The following KLK5 variants were observed in gnomAD, a reference collection of about 807,000 sequenced individuals.
The protein encoded by KLK5 is kallikrein related peptidase 5.
A neutral mutation model predicts 24.0 loss-of-function variants in KLK5; 18 were observed. The observed-to-expected ratio is 0.75, with a 90% confidence interval of 0.52 to 1.11. KLK5 has a LOEUF of 1.11. KLK5 is among the 50% of genes most tolerant of loss of function. The probability of loss-of-function intolerance (pLI) is 0.00; values close to 1 mark genes in which losing one functional copy is unlikely to be tolerated. For synonymous variants in KLK5, 140 were observed against 154.0 expected (o/e 0.91, Z 0.67); for missense variants, 374 against 379.2 (o/e 0.99, Z 0.11).
intron 5 of KLK5, among the ~76,000 whole-genome samples, chr19:50,946,904 C>A (rs142655289): frequency 1.2e-4 from 18 of 151,994 alleles, no homozygotes; most frequent in Admixed American, 1.3e-4. Flanking sequence ...CGCAACCCAC[C>A]CCCCCACACC....
At chr19:50,952,537 G>C (rs1458457339) in intron 2 of KLK5, 48 bp downstream of exon 2, 2 of 1,441,334 alleles carry the variant, frequency 1.4e-6, no homozygotes, top group Non-Finnish European at 1.9e-6. Context: ...GTGCCGCAGA[G>C]ACAGTCCTCC....
Position 50,950,314 on chromosome 19 carries a change from T to G in KLK5, c.74-198A>C. Reference sequence around the variant, plus strand: ...GGACAGAGCCCAGGCTCAGGTAGGGTTACTGGACTCTAACTGGACCTCACA... The same window carrying G: ...GGACAGAGCCCAGGCTCAGGTAGGGGTACTGGACTCTAACTGGACCTCACA... On this transcript the variant is annotated intron_variant, in intron 2 of 5. Transcript: ENST00000336334. 4 of 604,780 alleles carry G rather than the reference T, an allele frequency of 6.6e-6. No homozygotes were observed. The South Asian group carries it at 7.9e-5, about 12-fold the overall frequency. 37.5% of individuals were successfully genotyped at this position (604,780 alleles called of 1,614,324 possible). A position where few individuals can be genotyped will look rare whatever the true frequency, so the allele number is the denominator to read the frequency against.
At chr19:50,948,834 T>A (rs1281279821) in intron 4 of KLK5, 25 bp downstream of exon 4, 2 of 1,613,798 alleles carry the variant, frequency 1.2e-6, no homozygotes, top group Admixed American at 3.3e-5. Flanking sequence ...GATGGGTCGG[T>A]ATCAAGAAGA....
rs753631413 is a variant in KLK5 at position 50,946,278 on chromosome 19, TAAC to T, written c.726+2359_726+2361del. On this transcript the variant is annotated intron_variant, in intron 5 of 5. Transcript: ENST00000336334. ...CTTGTTTGTAAAATAGGGCCAATAA[TAAC>T]AGGTAAATGAGTTAATGAGCTGAGG... Among the ~76,000 whole-genome samples, 43 of 152,388 alleles carry T rather than the reference TAAC, an allele frequency of 2.8e-4. No individual in the cohort carries two copies. In the Middle Eastern group the frequency reaches 0.01, roughly 36 times the overall value.
rs2232534 is a variant in KLK5 at position 50,948,937 on chromosome 19, T to C, written c.514A>G (p.Ile172Val). 5.1e-3 allele frequency: 8,269 copies of C among 1,614,040 alleles called. 29 individuals are homozygous for C. The highest frequency in any genetic ancestry group is 6.6e-3 in the Non-Finnish European group (7,787 of 1,179,994). The change falls in exon 4 of 6, where the codon ATC (isoleucine) becomes GTC (valine). Residue 172 changes from isoleucine (I) to valine (V), a missense_variant. Ile to Val is a conservative substitution (Grantham distance 29, BLOSUM62 3). Coordinates refer to ENST00000336334, the MANE Select transcript of KLK5 (RefSeq NM_012427.5). Reference protein sequence around the residue: ...RIRPTKDVRPINVSSHCPSAG... With the variant: ...RIRPTKDVRPVNVSSHCPSAG... ...GAGGGACAATGAGAGGAGACGTTGA[T>C]GGGTCTGACATCTTTAGTGGGACGA...
At chr19:50,951,541 G>A (rs567292390) in intron 2 of KLK5, among the ~76,000 whole-genome samples, 86 of 152,220 alleles carry the variant, frequency 5.6e-4, no homozygotes, top group African/African-American at 2.0e-3. Context: ...CAAAGGGCTG[G>A]GATTACAGGC....
chr19:50,949,731 C>CCCCCCCA, intron 3 of KLK5, 124 bp downstream of exon 3: 1 of 553,996 alleles, frequency 1.8e-6, no homozygotes. Context: ...CCTTCCATGA[C>CCCCCCCA]ACCCCCAACC....
At chr19:50,946,631 C>T (rs1600070515) in intron 5 of KLK5, among the ~76,000 whole-genome samples, 1 of 151,880 alleles carries the variant, frequency 6.6e-6, no homozygotes, top group Non-Finnish European at 1.5e-5. Context: ...GCAACCTCGG[C>T]TCACTGCAAG....
rs146723372 is a variant in KLK5 at position 50,943,710 on chromosome 19, C to T, written c.803G>A (p.Arg268Gln). The T allele has an allele frequency of 4.3e-5, 69 of 1,613,854 alleles. No homozygotes were observed. The African/African-American group carries it at 7.6e-4, about 18-fold the overall frequency. The change falls in exon 6 of 6, where the codon CGG becomes CAG. Residue 268 changes from arginine to glutamine, a missense_variant. Transcript: ENST00000336334. ...CGTGTAGACACCCGGTCTGTTGGGC[C>T]GGGCACAAGGGTAATCTCCCCAGGA... ...LVSWGDYPCA[R>Q]PNRPGVYTNL...
intron 5 of KLK5, among the ~76,000 whole-genome samples, chr19:50,945,694 G>C (rs1279149942): frequency 1.3e-5 from 2 of 151,812 alleles, no homozygotes; most frequent in Admixed American, 1.3e-4. Context: ...GGGAGGCTGA[G>C]GTGGAAGAAA....
chr19:50,951,683 C>T (rs1166627945), intron 2 of KLK5, among the ~76,000 whole-genome samples: 7 of 152,326 alleles, frequency 4.6e-5, no homozygotes, highest in Non-Finnish European at 8.8e-5. Flanking sequence ...TCTGCAGACA[C>T]GCCCATGTTG....
chr19:50,950,887 C>G (rs1344176849), intron 2 of KLK5, among the ~76,000 whole-genome samples: 2 of 69,672 alleles, frequency 2.9e-5, no homozygotes, highest in Non-Finnish European at 5.5e-5. Context: ...GCAAGACTGT[C>G]TCCAAAAAAA....
rs1015516835 is a variant in KLK5 at position 50,952,517 on chromosome 19, A to G, written c.73+68T>C. On this transcript the variant is annotated intron_variant, in intron 2 of 5. Transcript: ENST00000336334. Reference sequence around the variant, plus strand: ...AGGCTCACACAGTTCCCCAGGGGACAGGCGCTCTAGTGCCGCAGAGACAGT... The same window carrying G: ...AGGCTCACACAGTTCCCCAGGGGACGGGCGCTCTAGTGCCGCAGAGACAGT... The G allele has an allele frequency of 4.2e-6, 5 of 1,190,628 alleles. No homozygotes were observed. In the African/African-American group the frequency reaches 6.2e-5, roughly 15 times the overall value. The allele number at this position is 1,190,628 out of a possible 1,614,324, so 73.8% of individuals were successfully genotyped here.
intron 3 of KLK5, among the ~76,000 whole-genome samples, 186 bp from the exon 4 acceptor site, chr19:50,949,301 C>T (rs752276122): frequency 1.5e-4 from 23 of 149,534 alleles, no homozygotes; most frequent in Non-Finnish European, 2.2e-4. Context: ...CCAAACCCAT[C>T]CCATTCCCAA....
At chr19:50,945,005 T>C (rs1000647418) in intron 5 of KLK5, among the ~76,000 whole-genome samples, 30 of 151,614 alleles carry the variant, frequency 2.0e-4, no homozygotes, top group Admixed American at 8.6e-4. Flanking sequence ...TCTTTCTCTT[T>C]CTTCCTTTCT....
chr19:50,951,821 G>A (rs1460429893), intron 2 of KLK5, among the ~76,000 whole-genome samples: 2 of 152,128 alleles, frequency 1.3e-5, no homozygotes, highest in Admixed American at 6.5e-5. Flanking sequence ...GTGCACAGAT[G>A]TTCAGACTGC....
chr19:50,951,342 G>A (rs868211557), intron 2 of KLK5, among the ~76,000 whole-genome samples: 1 of 151,418 alleles, frequency 6.6e-6, no homozygotes, highest in Non-Finnish European at 1.5e-5. Context: ...GCGCGATCTC[G>A]GCTCACCGCA....
In KLK5 at chr19:50,951,264, C is replaced by T. The variant is rs557220683; in HGVS notation, c.74-1148G>A. ...TCCCGTGCCCATTCACTGGTTCTTA[C>T]CCTTTTTTTTTTCTTTTTTTCTTTC... is the stretch of plus-strand genomic sequence containing the variant. On this transcript the variant is annotated intron_variant, in intron 2 of 5. Transcript: ENST00000336334. Among the ~76,000 whole-genome samples the T allele has an allele frequency of 3.3e-5, 5 of 152,008 alleles. No homozygotes were observed. The East Asian group carries it at 7.7e-4, about 24-fold the overall frequency.
intron 5 of KLK5, among the ~76,000 whole-genome samples, chr19:50,945,010 CTT>C (rs2090618615): frequency 6.8e-6 from 1 of 147,414 alleles, no homozygotes; most frequent in African/African-American, 2.5e-5. Flanking sequence ...CTCTTTCTTC[CTT>C]TCTTTCTCCT....
Sources: allele counts gnomAD v4.1 joint callset (sites outside exome capture counted in the v4.1 genomes callset), GRCh38; gene constraint gnomAD v4.1.1; transcripts MANE v1.5; gene names NCBI Gene and HGNC (gene_info 2026-07-23, HGNC 2026-07-21).